RAF1: variants seen among roughly 807,000 people sequenced by gnomAD.
RAF1 encodes RAF proto-oncogene serine/threonine-protein kinase.
RAF1 carries 27 observed loss-of-function variants against 81.1 expected under a neutral mutation model. That is an observed-to-expected ratio of 0.33 (90% confidence interval 0.25 to 0.46). The LOEUF is 0.46. RAF1 is among the 20% of genes least tolerant of loss of function. The pLI, the probability that RAF1 is intolerant of heterozygous loss-of-function variation, is 1.00. For missense variants in RAF1, 598 were observed against 826.0 expected, an observed-to-expected ratio of 0.72 and a Z score of 3.38; for synonymous variants, 298 against 294.0, an observed-to-expected ratio of 1.01 and a Z score of -0.14.
In RAF1 at chr3:12,598,725, C is replaced by CAAAAAAAAAAAAAAAA. The variant is rs59472802; in HGVS notation, c.1168+950_1168+965dup. Among the ~76,000 whole-genome samples, 101 of 61,988 alleles carry CAAAAAAAAAAAAAAAA rather than the reference C, an allele frequency of 1.6e-3. 5 individuals carry two copies. The highest frequency in any genetic ancestry group is 2.6e-3 in the East Asian group (2 of 772). The allele number at this position is 61,988 out of a possible 152,430, so 40.7% of individuals were successfully genotyped here. A position where few individuals can be genotyped will look rare whatever the true frequency, so the allele number is the denominator to read the frequency against. Reference sequence around the variant, plus strand: ...TGGGCAACAGAGCAAGAATCTATCTCAAAAAAAAAAAAAAAAAAAAAAAAA... The same window carrying CAAAAAAAAAAAAAAAA: ...TGGGCAACAGAGCAAGAATCTATCTCAAAAAAAAAAAAAAAAAAAAAAAAAAAAAAAAAAAAAAAAA... On this transcript the variant is annotated intron_variant, in intron 11 of 17. Coordinates refer to ENST00000442415, the MANE Select transcript of RAF1 (RefSeq NM_001354689.3).
At chr3:12,619,567 C>CAAAAAAAAAAAAAA in intron 1 of RAF1, among the ~76,000 whole-genome samples, 1 of 81,100 alleles carries the variant, frequency 1.2e-5, no homozygotes. Flanking sequence ...CTCCATCTCC[C>CAAAAAAAAAAAAAA]AAAAAAAAAA....
chr3:12,600,044 T>A (rs1163555530), intron 10 of RAF1, 108 bp downstream of exon 9: 1 of 1,506,118 alleles, frequency 6.6e-7, no homozygotes, highest in East Asian at 2.3e-5. Context: ...CTTCATTGAA[T>A]GTATTTTATT....
At chr3:12,598,743 A>AAAAAAAAAC (rs2058765849) in intron 11 of RAF1, among the ~76,000 whole-genome samples, 2 of 148,436 alleles carry the variant, frequency 1.3e-5, no homozygotes, top group Non-Finnish European at 3.0e-5. Flanking sequence ...AAAAAAAAAA[A>AAAAAAAAAC]AAAAAAAAAA....
At position 12,608,915 on chromosome 3, in the gene RAF1, C is replaced by T; in HGVS notation, c.432G>A (p.Lys144=). The T allele has an allele frequency of 6.2e-7, 1 of 1,614,138 alleles. No individual in the cohort carries two copies. The highest frequency in any genetic ancestry group is 2.2e-5 in the East Asian group (1 of 44,870). Residue 144 remains lysine (K), a synonymous_variant, in exon 5 of 18, where the codon AAG becomes AAA. Transcript: ENST00000442415. ...CACAGAAGGCAAGCTTCAGGAACGT[C>T]TTCCGAGCCTACAACAAGAACACAG...
rs2058927203 is a variant in RAF1, at chr3:12,603,492, A to C, written c.880T>G (p.Cys294Gly). 1.4e-6 allele frequency: 1 copy of C among 699,900 alleles called. No homozygotes were observed. Among genetic ancestry groups the C allele is most frequent in the Non-Finnish European group, 2.6e-6 (1 of 382,874 alleles). The allele number at this position is 699,900 out of a possible 1,614,324, so 43.4% of individuals were successfully genotyped here. A position where few individuals can be genotyped will look rare whatever the true frequency, so the allele number is the denominator to read the frequency against. Residue 294 changes from cysteine to glycine, a missense_variant, in exon 8 of 18, where the codon TGT (cysteine) becomes GGT (glycine). Cys to Gly is a radical substitution (Grantham distance 159, BLOSUM62 -3). Coordinates refer to ENST00000442415, the MANE Select transcript of RAF1 (RefSeq NM_001354689.3). ...AAAATACCTACTCTTCCCCTCAAAC[A>C]AAATCGTCTGGACCACGCCCTGGGA...
intron 1 of RAF1, among the ~76,000 whole-genome samples, chr3:12,638,303 G>A (rs2060087595): frequency 6.6e-6 from 1 of 152,196 alleles, no homozygotes; most frequent in Non-Finnish European, 1.5e-5. Context: ...AAAGTTATCA[G>A]TGCAGTCGTT....
intron 1 of RAF1, among the ~76,000 whole-genome samples, chr3:12,662,592 C>T (rs1448885693): frequency 6.6e-6 from 1 of 151,870 alleles, no homozygotes. Flanking sequence ...ATTTTACTCT[C>T]ATCTCTCACC....
chr3:12,637,943 T>A (rs1455225524), intron 1 of RAF1, among the ~76,000 whole-genome samples: 3 of 152,162 alleles, frequency 2.0e-5, no homozygotes, highest in Non-Finnish European at 2.9e-5. Flanking sequence ...ATTCTTTAAC[T>A]GTGACCTACA....
At chr3:12,590,164 A>G (rs1016536348) in intron 13 of RAF1, 3 of 152,806 alleles carry the variant, frequency 2.0e-5, no homozygotes, top group African/African-American at 7.2e-5. Flanking sequence ...TGGGACAGCC[A>G]TGCCTCAGAC....
chr3:12,660,216 A>C (rs1258789463), intron 1 of RAF1, among the ~76,000 whole-genome samples: 1 of 152,152 alleles, frequency 6.6e-6, no homozygotes, highest in Non-Finnish European at 1.5e-5. Context: ...TTTTTGTCAG[A>C]AATTACCAGC....
chr3:12,587,209 CAGAT>C (rs1488103524), intron 14 of RAF1: 2 of 229,342 alleles, frequency 8.7e-6, no homozygotes, highest in African/African-American at 2.3e-5. Context: ...ACATAACAAG[CAGAT>C]AGACATACAC....
rs2058530415 is a variant in RAF1, at chr3:12,591,993, G to A, written c.1169-201C>T. The A allele has an allele frequency of 6.6e-6, 4 of 610,476 alleles. No homozygotes were observed. In the South Asian group the frequency reaches 7.4e-5, roughly 11 times the overall value. 37.8% of individuals were successfully genotyped at this position (610,476 alleles called of 1,614,324 possible). On this transcript the variant is annotated intron_variant, in intron 11 of 17. Coordinates refer to ENST00000442415, the MANE Select transcript of RAF1 (RefSeq NM_001354689.3). The stretch of plus-strand genomic sequence containing the variant: ...GGCTAGAGTGCAGTGGCACATTGCA[G>A]CCTTGACCTCCAGGGCTTAAGCAAT...
intron 1 of RAF1, among the ~76,000 whole-genome samples, chr3:12,631,996 T>C (rs925314027): frequency 6.6e-6 from 1 of 152,202 alleles, no homozygotes; most frequent in African/African-American, 2.4e-5. Flanking sequence ...TATCACAATA[T>C]TCTCCTTCAA....
At chr3:12,609,817 C>T (rs958613118) in intron 3 of RAF1, among the ~76,000 whole-genome samples, 3 of 152,086 alleles carry the variant, frequency 2.0e-5, no homozygotes, top group Non-Finnish European at 4.4e-5. Context: ...TATATAAAAT[C>T]TCACAATAAA....
At chr3:12,630,607 A>G (rs2059832264) in intron 1 of RAF1, among the ~76,000 whole-genome samples, 1 of 152,188 alleles carries the variant, frequency 6.6e-6, no homozygotes, top group Non-Finnish European at 1.5e-5. Flanking sequence ...TCCAGGCAGA[A>G]AGAACAGCCA....
chr3:12,598,796 C>A (rs966954147), intron 11 of RAF1, among the ~76,000 whole-genome samples: 6 of 146,642 alleles, frequency 4.1e-5, no homozygotes, highest in African/African-American at 5.0e-5. Context: ...ATTTTCAGTA[C>A]CTTGAATTTT....
In RAF1 at chr3:12,649,072, C is replaced by G. The variant is rs188495506; in HGVS notation, c.-27+14741G>C. Among the ~76,000 whole-genome samples the G allele has an allele frequency of 3.4e-3, 520 of 152,110 alleles. 2 individuals carry two copies. Among genetic ancestry groups the G allele is most frequent in the Non-Finnish European group, 6.0e-3 (411 of 68,004 alleles). ...GAGGTTGCAGTGAGCCAAGATCACG[C>G]CATTGCACTCCAGCCTGGGTAACAA... On this transcript the variant is annotated intron_variant, in intron 1 of 17. Transcript: ENST00000442415.
rs34990666 is a variant in RAF1, at chr3:12,608,180, AG to A, written c.581+585del. ...CATATACCTAGTTACAGTTTTTAAAAGGCAGTTTGGACCATGTACTTTTAAT... is the reference window on the plus strand; with the variant it reads ...CATATACCTAGTTACAGTTTTTAAAAGCAGTTTGGACCATGTACTTTTAAT... On this transcript the variant is annotated intron_variant, in intron 5 of 17. Coordinates refer to ENST00000442415, the MANE Select transcript of RAF1 (RefSeq NM_001354689.3). Among the ~76,000 whole-genome samples the A allele has an allele frequency of 8.8e-3, 1,341 of 152,294 alleles. 7 individuals carry two copies. Among genetic ancestry groups the A allele is most frequent in the Admixed American group, 0.014 (219 of 15,292 alleles).
intron 6 of RAF1, among the ~76,000 whole-genome samples, chr3:12,605,538 A>C (rs1442233401): frequency 6.6e-6 from 1 of 152,196 alleles, no homozygotes; most frequent in East Asian, 1.9e-4. Flanking sequence ...TCGGCCTCCC[A>C]AAGTGCTGGG....
Sources: gnomAD v4.1 joint callset for allele counts (sites outside exome capture counted in the v4.1 genomes callset) on GRCh38, gnomAD v4.1.1 for gene constraint, MANE v1.5 for transcripts, NCBI Gene and HGNC (gene_info 2026-07-23, HGNC 2026-07-21) for gene names.